Variants in PSMB7 observed in about 807,000 individuals in gnomAD.
PSMB7 encodes the protein proteasome subunit beta type-7.
In PSMB7, 5 loss-of-function variants were observed where a neutral mutation model predicts 28.1. That is an observed-to-expected ratio of 0.18 (90% CI 0.09 to 0.37). The LOEUF is 0.37. Among genes scored for constraint, PSMB7 ranks in the 10% least tolerant of loss-of-function variants. The pLI, the probability that PSMB7 is intolerant of heterozygous loss-of-function variation, is 1.00. For missense variants in PSMB7, 275 were observed against 346.2 expected (o/e 0.79, Z 1.63); for synonymous variants, 122 against 123.7 (o/e 0.99, Z 0.09).
chr9:124,412,653 G>C (rs1397727975), intron 3 of PSMB7, among the ~76,000 whole-genome samples, 161 bp from the exon 4 acceptor site: 1 of 152,214 alleles, frequency 6.6e-6, no homozygotes, highest in Admixed American at 6.5e-5. Flanking sequence ...TAAATAAACA[G>C]AAAATTGAGA....
At chr9:124,408,790 TAC>T (rs944797307) in intron 4 of PSMB7, among the ~76,000 whole-genome samples, 1 of 152,228 alleles carries the variant, frequency 6.6e-6, no homozygotes, top group Non-Finnish European at 1.5e-5. Context: ...TTCAAAAATT[TAC>T]AGTGTATGTG....
intron 6 of PSMB7, among the ~76,000 whole-genome samples, chr9:124,364,403 G>C (rs1216510142): frequency 6.6e-6 from 1 of 151,954 alleles, no homozygotes. Flanking sequence ...GCTTCCAGAG[G>C]GAAAAGAACC....
intron 5 of PSMB7, among the ~76,000 whole-genome samples, chr9:124,400,774 T>C (rs1306194850): frequency 6.6e-6 from 1 of 152,124 alleles, no homozygotes; most frequent in African/African-American, 2.4e-5. Flanking sequence ...GTGTACACCT[T>C]AATCCAGAAA....
intron 5 of PSMB7, among the ~76,000 whole-genome samples, chr9:124,397,995 C>T (rs1460735003): frequency 2.0e-5 from 3 of 152,168 alleles, no homozygotes; most frequent in African/African-American, 7.2e-5. Context: ...CGGTGAAACC[C>T]CGTCTCTACT....
At chr9:124,364,876 G>A (rs1036745062) in intron 6 of PSMB7, among the ~76,000 whole-genome samples, 4 of 152,162 alleles carry the variant, frequency 2.6e-5, no homozygotes, top group Non-Finnish European at 5.9e-5. Context: ...GAAGAGCCGC[G>A]TTCCCACCTC....
rs575535084 is a variant in PSMB7, at chr9:124,367,131, G to A, written c.571-10216C>T. 1.1e-4 allele frequency among the ~76,000 whole-genome samples: 16 copies of A among 152,304 alleles called. No homozygotes were observed. The South Asian group carries it at 1.7e-3, about 16-fold the overall frequency. On this transcript the variant is annotated intron_variant, in intron 6 of 7. Transcript: ENST00000259457. The stretch of plus-strand genomic sequence containing the variant: ...TATTCTCAATGAGAGATGGTGGCGG[G>A]GCAGCAGGGCCAGGGAGGAGGATCA...
intron 5 of PSMB7, among the ~76,000 whole-genome samples, chr9:124,403,240 T>TA (rs958013810): frequency 1.8e-3 from 267 of 145,438 alleles, no homozygotes; most frequent in Admixed American, 1.7e-3. Context: ...TTGCAGTCAT[T>TA]AAAAAAAAAA....
At chr9:124,360,033 A>G (rs904876570) in intron 6 of PSMB7, among the ~76,000 whole-genome samples, 2 of 152,222 alleles carry the variant, frequency 1.3e-5, no homozygotes, top group Admixed American at 6.5e-5. Context: ...GGGACCTACT[A>G]TGTTCCAGGA....
Position 124,364,263 on chromosome 9 carries a change from C to T in PSMB7, c.571-7348G>A, listed in dbSNP as rs181260852. 2.4e-3 allele frequency among the ~76,000 whole-genome samples: 366 copies of T among 152,214 alleles called. 1 individual carries two copies. The highest frequency in any genetic ancestry group is 8.7e-3 in the African/African-American group (360 of 41,524). The stretch of plus-strand genomic sequence containing the variant: ...CAAGGCTGTGTACAAGCAGGAGAGT[C>T]GGGGATGCATGCCAGATTAGTGCCT... On this transcript the variant is annotated intron_variant, in intron 6 of 7. Coordinates refer to ENST00000259457, the MANE Select transcript of PSMB7 (RefSeq NM_002799.4).
intron 5 of PSMB7, among the ~76,000 whole-genome samples, chr9:124,395,701 C>CA (rs1296440467): frequency 2.0e-5 from 3 of 151,938 alleles, no homozygotes; most frequent in African/African-American, 4.8e-5. Context: ...CTTCCCAAGT[C>CA]AAAAAAAGTA....
chr9:124,396,350 T>C (rs1830843607), intron 5 of PSMB7, among the ~76,000 whole-genome samples: 1 of 143,192 alleles, frequency 7.0e-6, no homozygotes, highest in Non-Finnish European at 1.6e-5. Flanking sequence ...CAGAAAAGGC[T>C]GTACTTTAGC....
intron 6 of PSMB7, among the ~76,000 whole-genome samples, chr9:124,383,011 A>C (rs13300918): frequency 0.49 from 74,448 of 152,092 alleles, 18,866 homozygotes; most frequent in Non-Finnish European, 0.56. Flanking sequence ...TACTGAGGTG[A>C]TTTTCTAAAC....
Position 124,364,329 on chromosome 9 carries a change from A to G in PSMB7, c.571-7414T>C, listed in dbSNP as rs576750406. On this transcript the variant is annotated intron_variant, in intron 6 of 7. Coordinates refer to ENST00000259457, the MANE Select transcript of PSMB7 (RefSeq NM_002799.4). The stretch of plus-strand genomic sequence containing the variant: ...TGTCTTCCTATCCCACCATTAGGAA[A>G]ATCTGTGGCGGGCAAGTGGTTTTGC... Among the ~76,000 whole-genome samples, 5 of 152,288 alleles carry G rather than the reference A, an allele frequency of 3.3e-5. No homozygotes were observed. The East Asian group carries it at 9.7e-4, about 29-fold the overall frequency.
At chr9:124,395,768 T>C (rs923611468) in intron 5 of PSMB7, among the ~76,000 whole-genome samples, 6 of 152,242 alleles carry the variant, frequency 3.9e-5, no homozygotes, top group African/African-American at 1.2e-4. Context: ...CTAGGCTCTC[T>C]GGTCAAGCAG....
chr9:124,366,106 T>G (rs7863232), intron 6 of PSMB7, among the ~76,000 whole-genome samples: 1 of 126,088 alleles, frequency 7.9e-6, no homozygotes, highest in South Asian at 2.5e-4. Flanking sequence ...TAAAAAAAAA[T>G]TTTTTTAATA....
chr9:124,374,538 C>G (rs959415610), intron 6 of PSMB7, among the ~76,000 whole-genome samples: 1 of 152,184 alleles, frequency 6.6e-6, no homozygotes, highest in Non-Finnish European at 1.5e-5. Flanking sequence ...TTTTTTAAAG[C>G]TAAGACACCA....
intron 5 of PSMB7, among the ~76,000 whole-genome samples, chr9:124,388,627 C>T (rs1312282140): frequency 6.6e-6 from 1 of 152,196 alleles, no homozygotes; most frequent in Non-Finnish European, 1.5e-5. Flanking sequence ...GTCCTATATG[C>T]TACAATACAG....
At chr9:124,380,512 G>A (rs1830653585) in intron 6 of PSMB7, among the ~76,000 whole-genome samples, 1 of 152,182 alleles carries the variant, frequency 6.6e-6, no homozygotes, top group South Asian at 2.1e-4. Flanking sequence ...CTGCACTCCA[G>A]CCTGGGCAAC....
chr9:124,353,537 C>G lies in PSMB7; in HGVS notation c.*61G>C. 1.6e-6 allele frequency: 2 copies of G among 1,215,558 alleles called. No homozygotes were observed. The highest frequency in any genetic ancestry group is 2.4e-5 in the South Asian group (2 of 82,544). 75.3% of individuals were successfully genotyped at this position (1,215,558 alleles called of 1,614,324 possible). Reference sequence around the variant, plus strand: ...CGGCAAACACTAGCCACATGAGTGTCTTACTGGGCCTCAATGCTCACCACC... The same window carrying G: ...CGGCAAACACTAGCCACATGAGTGTGTTACTGGGCCTCAATGCTCACCACC... On this transcript the variant is annotated 3_prime_UTR_variant, in exon 8 of 8. Transcript: ENST00000259457.
Sources: allele counts gnomAD v4.1 joint callset (sites outside exome capture counted in the v4.1 genomes callset), GRCh38; gene constraint gnomAD v4.1.1; transcripts MANE v1.5; gene names NCBI Gene and HGNC (gene_info 2026-07-23, HGNC 2026-07-21).